SLIT2: variants seen among roughly 807,000 people sequenced by gnomAD.
SLIT2 encodes slit homolog 2 protein.
In SLIT2, 41 loss-of-function variants were observed where a neutral mutation model predicts 185.7. The ratio of observed to expected loss-of-function variants is 0.22; its 90% CI spans 0.17 to 0.29. The LOEUF is 0.29. Ranked by LOEUF, SLIT2 falls within the 10% of genes least tolerant of loss-of-function variation. SLIT2 has a pLI of 1.00. For missense variants in SLIT2, 1,571 were observed against 1,909.0 expected, an observed-to-expected ratio of 0.82 and a Z score of 3.30; for synonymous variants, 693 against 680.2, an observed-to-expected ratio of 1.02 and a Z score of -0.29.
chr4:20,507,929 TTTA>T (rs1304695659), intron 9 of SLIT2, among the ~76,000 whole-genome samples: 1 of 152,020 alleles, frequency 6.6e-6, no homozygotes, highest in East Asian at 1.9e-4. Context: ...TCTCTGTATT[TTTA>T]TTGATTACAT....
chr4:20,488,876 G>A lies in SLIT2; in HGVS notation c.669G>A (p.Trp223Ter). 1.2e-6 allele frequency: 2 copies of A among 1,611,606 alleles called. No individual in the cohort carries two copies. Among genetic ancestry groups the A allele is most frequent in the Non-Finnish European group, 1.7e-6 (2 of 1,178,098 alleles). Reference sequence around the variant, plus strand: ...GCCACCTGGCCTGGCTCTCCGACTGGCTTCGCCAAAGGCCTCGGGTTGGTC... The same window carrying A: ...GCCACCTGGCCTGGCTCTCCGACTGACTTCGCCAAAGGCCTCGGGTTGGTC... ...CDCHLAWLSD[W>*]LRQRPRVGLY... is the part of the protein sequence containing the mutation. Residue 223 changes from tryptophan (W) to a stop codon, truncating the protein, a stop_gained, in exon 8 of 37, where the codon TGG becomes TGA. Transcript: ENST00000504154. LOFTEE classifies it high-confidence loss of function.
chr4:20,270,039 T>A (rs989739833), intron 4 of SLIT2, among the ~76,000 whole-genome samples: 24 of 152,112 alleles, frequency 1.6e-4, no homozygotes, highest in African/African-American at 5.8e-4. Flanking sequence ...TGTTCCCTGC[T>A]GCTCAATTGG....
intron 14 of SLIT2, 117 bp from the exon 15 acceptor site, chr4:20,525,032 T>A (rs1721160821): frequency 4.1e-6 from 3 of 733,656 alleles, no homozygotes; most frequent in Non-Finnish European, 7.3e-6. Context: ...CAGCTGTGAA[T>A]ATACATTTTT....
intron 4 of SLIT2, among the ~76,000 whole-genome samples, chr4:20,433,689 T>C (rs773902804): frequency 6.6e-6 from 1 of 152,232 alleles, no homozygotes; most frequent in Non-Finnish European, 1.5e-5. Context: ...AGTTACTCCC[T>C]GAACAAAGGT....
intron 9 of SLIT2, among the ~76,000 whole-genome samples, chr4:20,506,381 G>C (rs1244025471): frequency 6.6e-6 from 1 of 151,940 alleles, no homozygotes; most frequent in East Asian, 1.9e-4. Flanking sequence ...TGGAATCCCA[G>C]AATGTTTTTA....
At chr4:20,319,194 G>A (rs1193581730) in intron 4 of SLIT2, among the ~76,000 whole-genome samples, 1 of 152,198 alleles carries the variant, frequency 6.6e-6, no homozygotes. Flanking sequence ...ATTAGATACA[G>A]TCCTTGCCCA....
intron 4 of SLIT2, among the ~76,000 whole-genome samples, chr4:20,368,219 C>CAA (rs71653879): frequency 0.016 from 1,712 of 107,358 alleles, 39 homozygotes; most frequent in African/African-American, 0.053. Flanking sequence ...CACAAAATAG[C>CAA]AAAAAAAAAA....
chr4:20,265,352 T>C (rs1485537508), intron 3 of SLIT2, among the ~76,000 whole-genome samples: 1 of 152,010 alleles, frequency 6.6e-6, no homozygotes, highest in Non-Finnish European at 1.5e-5. Flanking sequence ...TTTTGCTTTT[T>C]CTGTTAATGT....
Position 20,619,273 on chromosome 4 carries a change from C to T in SLIT2, c.*264C>T, listed in dbSNP as rs1251176701. ...AACAGCGATGGGAACCATTGCAACT[C>T]GGGTCCATCTTTGTAACATGCTGAA... On this transcript the variant is annotated 3_prime_UTR_variant, in exon 37 of 37. Transcript: ENST00000504154. 9.9e-6 allele frequency: 3 copies of T among 303,086 alleles called. No homozygotes were observed. The highest frequency in any genetic ancestry group is 4.3e-5 in the African/African-American group (2 of 46,348). 18.8% of individuals were successfully genotyped at this position (303,086 alleles called of 1,614,324 possible). A position where few individuals can be genotyped will look rare whatever the true frequency, so the allele number is the denominator to read the frequency against.
At position 20,443,105 on chromosome 4, in the gene SLIT2, A is replaced by G. The variant is rs28404602; in HGVS notation, c.396-24647A>G. Reference sequence around the variant, plus strand: ...AGTTCTTTATGGCAATATATCAGGGAATGCAGTGACATTTTCAGCATATAC... The same window carrying G: ...AGTTCTTTATGGCAATATATCAGGGGATGCAGTGACATTTTCAGCATATAC... On this transcript the variant is annotated intron_variant, in intron 4 of 36. Coordinates refer to ENST00000504154, the MANE Select transcript of SLIT2 (RefSeq NM_004787.4). Among the ~76,000 whole-genome samples, 804 of 152,314 alleles carry G rather than the reference A, an allele frequency of 5.3e-3. 11 individuals carry two copies. Among genetic ancestry groups the G allele is most frequent in the African/African-American group, 0.019 (780 of 41,576 alleles).
intron 4 of SLIT2, among the ~76,000 whole-genome samples, chr4:20,411,430 T>C (rs908845667): frequency 4.6e-5 from 7 of 152,198 alleles, no homozygotes; most frequent in African/African-American, 1.4e-4. Context: ...CACCCACAGC[T>C]TTTAAGGATT....
At chr4:20,606,732 A>T (rs1249761080) in intron 33 of SLIT2, among the ~76,000 whole-genome samples, 1 of 152,216 alleles carries the variant, frequency 6.6e-6, no homozygotes, top group East Asian at 1.9e-4. Flanking sequence ...TTAAATCCAT[A>T]TAATTTATAT....
In SLIT2 at chr4:20,539,473, G is replaced by A. The variant is rs765050237; in HGVS notation, c.1865G>A (p.Gly622Glu). The A allele has an allele frequency of 2.5e-6, 4 of 1,612,766 alleles. No homozygotes were observed. Among genetic ancestry groups the A allele is most frequent in the South Asian group, 2.2e-5 (2 of 90,942 alleles). The change falls in exon 19 of 37, where the codon GGG becomes GAG. Residue 622 changes from glycine to glutamate, a missense_variant. By Grantham distance (98) the Gly-to-Glu change is moderately conservative. Transcript: ENST00000504154. ...MLRSNRITCV[G>E]NDSFIGLSSV... ...AGAAGCAATCGAATAACCTGTGTGGGGAATGACAGTTTCATAGGACTCAGT... is the reference window on the plus strand; with the variant it reads ...AGAAGCAATCGAATAACCTGTGTGGAGAATGACAGTTTCATAGGACTCAGT...
Position 20,257,812 on chromosome 4 carries a change from A to T in SLIT2, c.252-56A>T, listed in dbSNP as rs2109008889. On this transcript the variant is annotated intron_variant, in intron 2 of 36. Transcript: ENST00000504154. ...ACAAGTTTTCAGTTGCTGAATTGAA[A>T]TTTATTCAGATGGTGAGTGGTAACA... 3 of 883,422 alleles carry T rather than the reference A, an allele frequency of 3.4e-6. No individual in the cohort carries two copies. In the East Asian group the frequency reaches 7.3e-5, roughly 22 times the overall value. 54.7% of individuals were successfully genotyped at this position (883,422 alleles called of 1,614,324 possible). A position where few individuals can be genotyped will look rare whatever the true frequency, so the allele number is the denominator to read the frequency against.
At chr4:20,448,513 G>T (rs1202740834) in intron 4 of SLIT2, among the ~76,000 whole-genome samples, 2 of 152,208 alleles carry the variant, frequency 1.3e-5, no homozygotes, top group African/African-American at 4.8e-5. Context: ...TAGAGATGGG[G>T]TTTTGCCATG....
At chr4:20,511,596 T>TTTTTTTTTTTTTTTA (rs1220710184) in intron 11 of SLIT2, among the ~76,000 whole-genome samples, 7 of 138,574 alleles carry the variant, frequency 5.1e-5, no homozygotes, top group Non-Finnish European at 3.1e-5. Context: ...AATTTTTTTT[T>TTTTTTTTTTTTTTTA]TTTTTTTATT....
chr4:20,508,049 AT>A (rs1719364297), intron 9 of SLIT2, among the ~76,000 whole-genome samples: 1 of 152,032 alleles, frequency 6.6e-6, no homozygotes, highest in African/African-American at 2.4e-5. Context: ...AATGATTTAC[AT>A]GTCCTTCACT....
intron 4 of SLIT2, among the ~76,000 whole-genome samples, chr4:20,357,536 C>G (rs1722422609): frequency 6.6e-6 from 1 of 151,822 alleles, no homozygotes. Flanking sequence ...AATAGATGCC[C>G]CTACATAATA....
intron 30 of SLIT2, among the ~76,000 whole-genome samples, 154 bp from the exon 31 acceptor site, chr4:20,595,543 A>G (rs1285097680): frequency 6.6e-6 from 1 of 152,156 alleles, no homozygotes; most frequent in Non-Finnish European, 1.5e-5. Context: ...ACTGCAGAAC[A>G]GTTCGATTTT....
Sources: gnomAD v4.1 joint callset for allele counts (sites outside exome capture counted in the v4.1 genomes callset) on GRCh38, gnomAD v4.1.1 for gene constraint, MANE v1.5 for transcripts, NCBI Gene and HGNC (gene_info 2026-07-23, HGNC 2026-07-21) for gene names.